The following GABRG2 variants were observed in gnomAD, a reference collection of about 807,000 sequenced individuals.
The protein encoded by GABRG2 is gamma-aminobutyric acid type A receptor subunit gamma2, also known as gamma-aminobutyric acid receptor subunit gamma-2.
Under a neutral mutation model 56.4 loss-of-function variants are expected in GABRG2, and 16 were observed. The ratio of observed to expected loss-of-function variants is 0.28; its 90% CI spans 0.19 to 0.43. The LOEUF (loss-of-function observed/expected upper bound fraction) is 0.43. Ranked by LOEUF, GABRG2 falls within the 20% of genes least tolerant of loss-of-function variation. GABRG2 has a pLI of 1.00. For synonymous variants in GABRG2, 208 were observed against 205.5 expected (o/e 1.01, Z -0.10); for missense variants, 327 against 582.7 (o/e 0.56, Z 4.52).
intron 4 of GABRG2, chr5:162,099,300 ACTGTGTCACCCG>A (rs1288937691): frequency 6.6e-6 from 1 of 152,056 alleles, no homozygotes; most frequent in Non-Finnish European, 1.5e-5. Context: ...ACAGGGTCTC[ACTGTGTCACCCG>A]CTGGAGTGCA....
chr5:162,147,156 C>G (rs571528033), intron 7 of GABRG2, among the ~76,000 whole-genome samples: 3 of 152,244 alleles, frequency 2.0e-5, no homozygotes, highest in Middle Eastern at 6.8e-3. Context: ...CAGTATCTTC[C>G]TCTTCTCTTG....
intron 5 of GABRG2, chr5:162,103,508 G>C (rs1251704912): frequency 5.0e-6 from 1 of 198,138 alleles, no homozygotes; most frequent in African/African-American, 2.3e-5. Context: ...TCAAAATCTT[G>C]CTCTGTTAAC....
rs371631150 is a variant in GABRG2, at chr5:162,106,113, T to C, written c.769+2087T>C. The stretch of plus-strand genomic sequence containing the variant: ...GTGGAGGATGATCTAGGGAATTTAC[T>C]ATCTATTAGGAGACACTTGTGGGAG... On this transcript the variant is annotated intron_variant, in intron 6 of 9. Transcript: ENST00000639213. Among the ~76,000 whole-genome samples, 15 of 152,296 alleles carry C rather than the reference T, an allele frequency of 9.8e-5. No individual in the cohort carries two copies. In the East Asian group the frequency reaches 1.5e-3, roughly 16 times the overall value.
At chr5:162,075,864 A>G (rs1464318283) in intron 1 of GABRG2, among the ~76,000 whole-genome samples, 1 of 152,132 alleles carries the variant, frequency 6.6e-6, no homozygotes, top group Non-Finnish European at 1.5e-5. Flanking sequence ...GATGACCCTC[A>G]GTCAACCAGT....
At chr5:162,149,600 G>C in intron 8 of GABRG2, 1 of 738,182 alleles carries the variant, frequency 1.4e-6, no homozygotes, top group East Asian at 2.5e-5. Flanking sequence ...CCTTCTTCTT[G>C]TTGCTATTAT....
At position 162,148,835 on chromosome 5, in the gene GABRG2, T is replaced by G. The variant is rs529993867; in HGVS notation, c.923-273T>G. ...CATAATGTAACATTATACTTTTCTCTGCTGACATGATTCACAGTATATCTC... is the reference window on the plus strand; with the variant it reads ...CATAATGTAACATTATACTTTTCTCGGCTGACATGATTCACAGTATATCTC... On this transcript the variant is annotated intron_variant, in intron 7 of 9. Transcript: ENST00000639213. Among the ~76,000 whole-genome samples the G allele has an allele frequency of 7.2e-5, 11 of 152,356 alleles. No homozygotes were observed. In the South Asian group the frequency reaches 1.9e-3, roughly 26 times the overall value.
intron 6 of GABRG2, among the ~76,000 whole-genome samples, chr5:162,131,842 T>TACTTACCTGTTTTTATAAATTGA (rs1351609476): frequency 6.6e-6 from 1 of 151,748 alleles, no homozygotes; most frequent in Admixed American, 6.6e-5. Context: ...TTGGTAAGCC[T>TACTTACCTGTTTTTATAAATTGA]TGGATTTAGG....
chr5:162,141,288 C>T (rs1394799122), intron 6 of GABRG2, among the ~76,000 whole-genome samples: 3 of 152,170 alleles, frequency 2.0e-5, no homozygotes, highest in African/African-American at 7.2e-5. Flanking sequence ...CCGCCCTCCT[C>T]GGCCTCCCAA....
chr5:162,081,377 C>G (rs1300540722), intron 1 of GABRG2, among the ~76,000 whole-genome samples: 1 of 151,954 alleles, frequency 6.6e-6, no homozygotes, highest in East Asian at 1.9e-4. Context: ...TTCGTGTATA[C>G]TTACATACAT....
chr5:162,153,064 A>G (rs1378475217), intron 9 of GABRG2, 29 bp from the exon 10 acceptor site: 2 of 1,613,680 alleles, frequency 1.2e-6, no homozygotes, highest in Non-Finnish European at 1.7e-6. Flanking sequence ...CAACTAACTG[A>G]TCCCTCTCCT....
intron 3 of GABRG2, 121 bp downstream of exon 3, chr5:162,095,683 A>C: frequency 1.4e-6 from 1 of 699,422 alleles, no homozygotes; most frequent in Admixed American, 2.2e-5. Context: ...TTAGAAGTGA[A>C]AGATAGTCTT....
chr5:162,099,843 A>G (rs1761286857), intron 4 of GABRG2: 1 of 152,188 alleles, frequency 6.6e-6, no homozygotes, highest in African/African-American at 2.4e-5. Context: ...AAAATGAGCT[A>G]TGAGTGTGTT....
In GABRG2 at chr5:162,105,205, T is replaced by C. The variant is rs574598965; in HGVS notation, c.769+1179T>C. ...AGCAAATAAAGGACCTACACAAAGATGGAAATTTATGATTCGATTCTACTT... is the reference window on the plus strand; with the variant it reads ...AGCAAATAAAGGACCTACACAAAGACGGAAATTTATGATTCGATTCTACTT... On this transcript the variant is annotated intron_variant, in intron 6 of 9. Transcript: ENST00000639213. 1.8e-4 allele frequency among the ~76,000 whole-genome samples: 28 copies of C among 152,286 alleles called. 1 individual carries two copies. The South Asian group carries it at 4.8e-3, about 26-fold the overall frequency.
chr5:162,088,355 T>C (rs1351513244), intron 1 of GABRG2, among the ~76,000 whole-genome samples: 1 of 152,180 alleles, frequency 6.6e-6, no homozygotes, highest in Non-Finnish European at 1.5e-5. Flanking sequence ...CTGAAGGACA[T>C]CCTTTAAATT....
chr5:162,070,294 T>C (rs1229078609), intron 1 of GABRG2, among the ~76,000 whole-genome samples: 1 of 152,046 alleles, frequency 6.6e-6, no homozygotes, highest in African/African-American at 2.4e-5. Context: ...GAGTCATTGC[T>C]GTTTGGTGCA....
intron 6 of GABRG2, among the ~76,000 whole-genome samples, chr5:162,139,651 T>C (rs1764407886): frequency 6.6e-6 from 1 of 152,204 alleles, no homozygotes; most frequent in African/African-American, 2.4e-5. Context: ...AAGTTCACCT[T>C]TAAAAGTGCC....
chr5:162,095,882 A>G (rs1026951627), intron 3 of GABRG2, among the ~76,000 whole-genome samples: 10 of 152,088 alleles, frequency 6.6e-5, no homozygotes, highest in African/African-American at 2.4e-4. Context: ...TTATTAGAAC[A>G]TTGATAGTTT....
chr5:162,067,490 T>C (rs986155375), upstream of GABRG2: 3 of 421,144 alleles, frequency 7.1e-6, no homozygotes, highest in Non-Finnish European at 1.3e-5. Flanking sequence ...TCATAGTTAA[T>C]CTGCGTGATA....
intron 6 of GABRG2, among the ~76,000 whole-genome samples, chr5:162,135,881 A>AAAAAC (rs60627503): frequency 0.035 from 5,318 of 152,138 alleles, 344 homozygotes; most frequent in African/African-American, 0.12. Flanking sequence ...ATAGTGAGGG[A>AAAAAC]AAAACAAAAC....
Sources: allele counts gnomAD v4.1 joint callset (sites outside exome capture counted in the v4.1 genomes callset), GRCh38; gene constraint gnomAD v4.1.1; transcripts MANE v1.5; gene names NCBI Gene and HGNC (gene_info 2026-07-23, HGNC 2026-07-21).